Variants in ITGB5 observed in about 807,000 individuals in gnomAD.
ITGB5 encodes integrin beta-5.
In ITGB5, 38 loss-of-function variants were observed where a neutral mutation model predicts 84.8. The ratio of observed to expected loss-of-function variants is 0.45; its 90% CI spans 0.35 to 0.59. The LOEUF (loss-of-function observed/expected upper bound fraction) is 0.59, where lower values mean the gene tolerates loss of function less well. ITGB5 is among the 20% of genes least tolerant of loss of function. The pLI, the probability that ITGB5 is intolerant of heterozygous loss-of-function variation, is 0.01. For synonymous variants in ITGB5, 393 were observed against 414.4 expected (o/e 0.95, Z 0.63); for missense variants, 905 against 1,034.5 (o/e 0.87, Z 1.72).
chr3:124,841,069 T>C (rs1331403212), intron 5 of ITGB5, among the ~76,000 whole-genome samples: 1 of 152,222 alleles, frequency 6.6e-6, no homozygotes, highest in Non-Finnish European at 1.5e-5. Flanking sequence ...ACTTGACCTT[T>C]ACTTTTTTCC....
At chr3:124,815,271 G>A (rs1216762741) in intron 8 of ITGB5, among the ~76,000 whole-genome samples, 1 of 152,236 alleles carries the variant, frequency 6.6e-6, no homozygotes, top group Non-Finnish European at 1.5e-5. Context: ...CCAGGTCTAT[G>A]GAGCTGTGCG....
chr3:124,861,812 G>A (rs1208788931), intron 2 of ITGB5, among the ~76,000 whole-genome samples: 7 of 152,008 alleles, frequency 4.6e-5, no homozygotes, highest in African/African-American at 9.7e-5. Flanking sequence ...TGCCCGCCTC[G>A]GCCTCCCAAA....
chr3:124,770,796 A>ACAGT (rs1034153566), intron 11 of ITGB5, among the ~76,000 whole-genome samples: 9 of 152,174 alleles, frequency 5.9e-5, no homozygotes, highest in Admixed American at 5.9e-4. Flanking sequence ...AACTCTCCCC[A>ACAGT]CAGTCACAGC....
chr3:124,872,269 G>A (rs1422864367), intron 2 of ITGB5, among the ~76,000 whole-genome samples: 1 of 152,176 alleles, frequency 6.6e-6, no homozygotes, highest in Non-Finnish European at 1.5e-5. Flanking sequence ...AAAAGCTTGG[G>A]CTCAGAGGTC....
At chr3:124,806,978 G>A (rs1435321308) in intron 9 of ITGB5, among the ~76,000 whole-genome samples, 2 of 152,084 alleles carry the variant, frequency 1.3e-5, no homozygotes, top group Admixed American at 1.3e-4. Context: ...ACAAGACAGG[G>A]ATCCACATCA....
At chr3:124,869,101 T>C (rs1449824419) in intron 2 of ITGB5, among the ~76,000 whole-genome samples, 2 of 152,126 alleles carry the variant, frequency 1.3e-5, no homozygotes, top group East Asian at 1.9e-4. Context: ...CCATGGAATG[T>C]ACCATGGGAT....
intron 8 of ITGB5, among the ~76,000 whole-genome samples, chr3:124,813,984 T>C (rs2064545554): frequency 6.6e-6 from 1 of 152,126 alleles, no homozygotes; most frequent in East Asian, 1.9e-4. Flanking sequence ...GAACAAAAGA[T>C]GTTCCTATTA....
At chr3:124,900,923 A>G (rs1175469619) in intron 1 of ITGB5, among the ~76,000 whole-genome samples, 2 of 152,226 alleles carry the variant, frequency 1.3e-5, no homozygotes, top group Non-Finnish European at 1.5e-5. Flanking sequence ...GTTATGTATT[A>G]TAAGAGCAAT....
intron 5 of ITGB5, among the ~76,000 whole-genome samples, chr3:124,822,319 C>T (rs1224209055): frequency 1.3e-5 from 2 of 152,174 alleles, no homozygotes; most frequent in African/African-American, 4.8e-5. Context: ...GAACGGGCAT[C>T]CCCAAATGCG....
chr3:124,868,149 G>A (rs2065419973), intron 2 of ITGB5, among the ~76,000 whole-genome samples: 1 of 152,100 alleles, frequency 6.6e-6, no homozygotes, highest in Non-Finnish European at 1.5e-5. Flanking sequence ...TAAGTTTCCT[G>A]AGGCCTCCCC....
intron 12 of ITGB5, among the ~76,000 whole-genome samples, chr3:124,768,249 T>C (rs914801951): frequency 1.3e-5 from 2 of 152,186 alleles, no homozygotes; most frequent in African/African-American, 4.8e-5. Context: ...GAGACACAGA[T>C]TCCCTTTCAA....
At chr3:124,834,042 C>T (rs1035521832) in intron 5 of ITGB5, among the ~76,000 whole-genome samples, 2 of 152,134 alleles carry the variant, frequency 1.3e-5, no homozygotes, top group Admixed American at 1.3e-4. Flanking sequence ...ACAGGTTAGA[C>T]ATTAAAAGGA....
chr3:124,793,010 G>A (rs1050581826), intron 10 of ITGB5: 1 of 152,008 alleles, frequency 6.6e-6, no homozygotes, highest in African/African-American at 2.4e-5. Context: ...GAAATGCCCA[G>A]TCTCAGCAAG....
At chr3:124,865,813 G>A (rs759371430) in intron 2 of ITGB5, among the ~76,000 whole-genome samples, 30 of 151,790 alleles carry the variant, frequency 2.0e-4, no homozygotes, top group African/African-American at 7.3e-4. Context: ...TTACTAAGTG[G>A]TAATAATATA....
intron 1 of ITGB5, chr3:124,878,527 ACT>A (rs1934427259): frequency 6.6e-6 from 1 of 151,962 alleles, no homozygotes; most frequent in South Asian, 2.1e-4. Context: ...AATTCAAGAA[ACT>A]CTGCACTTAA....
intron 9 of ITGB5, among the ~76,000 whole-genome samples, chr3:124,805,552 A>G (rs1020058394): frequency 1.3e-5 from 2 of 151,756 alleles, no homozygotes; most frequent in Non-Finnish European, 2.9e-5. Flanking sequence ...TCTAGGCTTA[A>G]GCCATCCTCT....
chr3:124,898,501 A>G (rs149669370), intron 1 of ITGB5, among the ~76,000 whole-genome samples: 1,789 of 151,524 alleles, frequency 0.012, 31 homozygotes, highest in African/African-American at 0.041. Flanking sequence ...AAAAATAGCC[A>G]GGCGTGGTGG....
intron 5 of ITGB5, among the ~76,000 whole-genome samples, chr3:124,830,079 C>T (rs2064838169): frequency 1.3e-5 from 2 of 152,300 alleles, no homozygotes; most frequent in South Asian, 2.1e-4. Context: ...CAGGGACTGG[C>T]AGAGAGAGAA....
intron 9 of ITGB5, among the ~76,000 whole-genome samples, chr3:124,807,546 T>C (rs1051562043): frequency 6.6e-6 from 1 of 152,228 alleles, no homozygotes; most frequent in African/African-American, 2.4e-5. Flanking sequence ...AAGGCCTTGG[T>C]AGCCAGTCAT....
Sources: gnomAD v4.1 joint callset for allele counts (sites outside exome capture counted in the v4.1 genomes callset) on GRCh38, gnomAD v4.1.1 for gene constraint, MANE v1.5 for transcripts, NCBI Gene and HGNC (gene_info 2026-07-23, HGNC 2026-07-21) for gene names.